SFMBT2: variants seen among roughly 807,000 people sequenced by gnomAD.
The protein encoded by SFMBT2 is scm-like with four MBT domains protein 2.
A neutral mutation model predicts 110.1 loss-of-function variants in SFMBT2; 38 were observed. That is an observed-to-expected ratio of 0.35 (90% confidence interval 0.27 to 0.45). SFMBT2 has a LOEUF of 0.45. SFMBT2 is among the 20% of genes least tolerant of loss of function. SFMBT2 has a pLI of 1.00. For missense variants in SFMBT2, 1,011 were observed against 1,094.9 expected (o/e 0.92, Z 1.08); for synonymous variants, 425 against 425.4 (o/e 1.00, Z 0.01).
intron 1 of SFMBT2, among the ~76,000 whole-genome samples, chr10:7,405,978 G>A (rs1846201390): frequency 6.6e-6 from 1 of 151,254 alleles, no homozygotes; most frequent in East Asian, 1.9e-4. Context: ...TATGATGGGG[G>A]CAATAAGTTG....
At chr10:7,303,326 T>C (rs1409654376) in intron 4 of SFMBT2, among the ~76,000 whole-genome samples, 1 of 152,268 alleles carries the variant, frequency 6.6e-6, no homozygotes, top group Non-Finnish European at 1.5e-5. Flanking sequence ...AATTTATAGT[T>C]GTTTAACAAA....
intron 4 of SFMBT2, among the ~76,000 whole-genome samples, chr10:7,315,362 C>T (rs1842982358): frequency 6.6e-6 from 1 of 152,226 alleles, no homozygotes; most frequent in Non-Finnish European, 1.5e-5. Flanking sequence ...GTCTGATCCA[C>T]CCCCAAGTGA....
rs115970639 is a variant in SFMBT2, at chr10:7,326,020, T to C, written c.437-40066A>G. 7.4e-3 allele frequency among the ~76,000 whole-genome samples: 1,126 copies of C among 152,318 alleles called. 20 individuals carry two copies. Among genetic ancestry groups the C allele is most frequent in the African/African-American group, 0.025 (1,051 of 41,562 alleles). On this transcript the variant is annotated intron_variant, in intron 4 of 20. Coordinates refer to ENST00000397167, the MANE Select transcript of SFMBT2 (RefSeq NM_001387889.1). ...AGCACAAGAATAGTCATACGTAAAA[T>C]TGTCCAGTATGCAACCAGAAAAAAT...
chr10:7,294,213 T>C (rs1282337448), intron 4 of SFMBT2, among the ~76,000 whole-genome samples: 1 of 152,158 alleles, frequency 6.6e-6, no homozygotes, highest in African/African-American at 2.4e-5. Context: ...ACCCACAAAA[T>C]GGAAGGATCC....
intron 7 of SFMBT2, among the ~76,000 whole-genome samples, chr10:7,267,265 AT>A (rs1463074900): frequency 5.9e-5 from 9 of 152,170 alleles, no homozygotes; most frequent in African/African-American, 1.7e-4. Flanking sequence ...CCCATTGCTG[AT>A]TCTGCTTTCT....
At chr10:7,336,945 C>A (rs1458494008) in intron 4 of SFMBT2, among the ~76,000 whole-genome samples, 3 of 152,158 alleles carry the variant, frequency 2.0e-5, no homozygotes, top group Non-Finnish European at 2.9e-5. Flanking sequence ...CCAAGCCAGG[C>A]AACGTACCAT....
At chr10:7,341,366 T>C (rs1843897522) in intron 4 of SFMBT2, among the ~76,000 whole-genome samples, 1 of 152,198 alleles carries the variant, frequency 6.6e-6, no homozygotes, top group Admixed American at 6.5e-5. Flanking sequence ...AAATCTAACG[T>C]TCATTCTGGT....
At chr10:7,380,802 C>T (rs1171416542) in intron 2 of SFMBT2, among the ~76,000 whole-genome samples, 2 of 152,144 alleles carry the variant, frequency 1.3e-5, no homozygotes, top group African/African-American at 4.8e-5. Context: ...ATAATCTCAG[C>T]ACTTTGGGAG....
At chr10:7,337,158 T>C (rs111467407) in intron 4 of SFMBT2, among the ~76,000 whole-genome samples, 1 of 152,352 alleles carries the variant, frequency 6.6e-6, no homozygotes, top group African/African-American at 2.4e-5. Flanking sequence ...AACTGTGGTT[T>C]AGATGAAAGC....
At chr10:7,351,649 T>C (rs568322176) in intron 4 of SFMBT2, among the ~76,000 whole-genome samples, 1 of 152,264 alleles carries the variant, frequency 6.6e-6, no homozygotes, top group African/African-American at 2.4e-5. Context: ...AACAATTATA[T>C]AGCACAGGCA....
In SFMBT2 at chr10:7,310,244, G is replaced by A. The variant is rs1382038069; in HGVS notation, c.437-24290C>T. ...TACACAGAAAGACCTCTCCGACAAG[G>A]ACACATCATGCTGTCCCACGCCAGA... is the stretch of plus-strand genomic sequence containing the variant. On this transcript the variant is annotated intron_variant, in intron 4 of 20. Transcript: ENST00000397167. Among the ~76,000 whole-genome samples, 4 of 152,168 alleles carry A rather than the reference G, an allele frequency of 2.6e-5. No homozygotes were observed. The East Asian group carries it at 7.7e-4, about 29-fold the overall frequency.
At chr10:7,297,859 G>T (rs1842447712) in intron 4 of SFMBT2, among the ~76,000 whole-genome samples, 1 of 152,202 alleles carries the variant, frequency 6.6e-6, no homozygotes, top group African/African-American at 2.4e-5. Flanking sequence ...CTCGACACCT[G>T]TATACCTGAG....
At chr10:7,303,692 C>T (rs750544027) in intron 4 of SFMBT2, among the ~76,000 whole-genome samples, 1 of 152,084 alleles carries the variant, frequency 6.6e-6, no homozygotes, top group African/African-American at 2.4e-5. Flanking sequence ...AAAACCAGTC[C>T]GAAATGCCCC....
intron 10 of SFMBT2, among the ~76,000 whole-genome samples, chr10:7,220,853 G>C (rs1839708293): frequency 1.4e-5 from 2 of 146,978 alleles, no homozygotes; most frequent in South Asian, 2.1e-4. Flanking sequence ...TTGAGACAGA[G>C]TCTGGCTCTG....
chr10:7,265,868 A>G (rs4748798), intron 7 of SFMBT2, among the ~76,000 whole-genome samples: 113,833 of 152,116 alleles, frequency 0.75, 42,968 homozygotes, highest in East Asian at 0.92. Flanking sequence ...GAAGGCACTG[A>G]GGATAAAGCA....
intron 6 of SFMBT2, among the ~76,000 whole-genome samples, chr10:7,278,175 T>C (rs1841841283): frequency 6.6e-6 from 1 of 152,222 alleles, no homozygotes; most frequent in African/African-American, 2.4e-5. Flanking sequence ...AGTTTGGCCT[T>C]TCTAAATTCT....
At chr10:7,373,648 G>A (rs941495208) in intron 2 of SFMBT2, among the ~76,000 whole-genome samples, 10 of 152,102 alleles carry the variant, frequency 6.6e-5, no homozygotes, top group Admixed American at 2.0e-4. Context: ...GCCACCACCC[G>A]TGTCTCCTGC....
intron 4 of SFMBT2, chr10:7,320,729 G>T: frequency 2.3e-6 from 1 of 436,804 alleles, no homozygotes; most frequent in Non-Finnish European, 3.0e-6. Flanking sequence ...GGGCTGACAT[G>T]GAGATTCAAG....
chr10:7,214,692 AG>A lies in SFMBT2; in HGVS notation c.1330+5718del, dbSNP rs146427824. The A allele has an allele frequency of 2.0e-3, 1,999 of 985,474 alleles. 30 individuals are homozygous for A. In the African/African-American group the frequency reaches 0.032, roughly 16 times the overall value. 61.0% of individuals were successfully genotyped at this position (985,474 alleles called of 1,614,324 possible). A position where few individuals can be genotyped will look rare whatever the true frequency, so the allele number is the denominator to read the frequency against. On this transcript the variant is annotated intron_variant, in intron 11 of 20. Coordinates refer to ENST00000397167, the MANE Select transcript of SFMBT2 (RefSeq NM_001387889.1). ...GGAATGTGAAGTTCGTGGTACAAGG[AG>A]GCAATTCCTGAACTCCAAAAACTTA... is the stretch of plus-strand genomic sequence containing the variant.
Sources: allele counts gnomAD v4.1 joint callset (sites outside exome capture counted in the v4.1 genomes callset), GRCh38; gene constraint gnomAD v4.1.1; transcripts MANE v1.5; gene names NCBI Gene and HGNC (gene_info 2026-07-23, HGNC 2026-07-21).